RHOJ: variants seen among roughly 807,000 people sequenced by gnomAD.
RHOJ encodes rho-related GTP-binding protein RhoJ.
In RHOJ, 11 loss-of-function variants were observed where a neutral mutation model predicts 23.4. The observed-to-expected ratio is 0.47, with a 90% CI of 0.30 to 0.78. The LOEUF (loss-of-function observed/expected upper bound fraction) is 0.78, where lower values mean the gene tolerates loss of function less well. Among genes scored for constraint, RHOJ ranks in the 30% least tolerant of loss-of-function variants. The pLI is 0.08. For missense variants in RHOJ, 254 were observed against 273.4 expected (o/e 0.93, Z 0.50); for synonymous variants, 102 against 102.7 (o/e 0.99, Z 0.04).
chr14:63,280,040 T>C (rs941476470), intron 2 of RHOJ, among the ~76,000 whole-genome samples: 3 of 152,182 alleles, frequency 2.0e-5, no homozygotes, highest in African/African-American at 7.2e-5. Flanking sequence ...TGTTTGTTTT[T>C]TGAGACAGGG....
At chr14:63,226,237 G>A (rs1894591973) in intron 1 of RHOJ, among the ~76,000 whole-genome samples, 1 of 151,978 alleles carries the variant, frequency 6.6e-6, no homozygotes, top group African/African-American at 2.4e-5. Context: ...CAAATATTTT[G>A]CTATGACTGA....
At chr14:63,235,291 T>C (rs1005529008) in intron 1 of RHOJ, among the ~76,000 whole-genome samples, 2 of 151,240 alleles carry the variant, frequency 1.3e-5, no homozygotes, top group Non-Finnish European at 2.9e-5. Flanking sequence ...TTTAAGCTGA[T>C]TGGATCCTGA....
chr14:63,243,206 T>C (rs1894915158), intron 1 of RHOJ, among the ~76,000 whole-genome samples: 1 of 152,234 alleles, frequency 6.6e-6, no homozygotes, highest in South Asian at 2.1e-4. Flanking sequence ...ACAAGTATTT[T>C]TCCTCATCTG....
At chr14:63,274,116 G>C (rs1028103520) in intron 2 of RHOJ, among the ~76,000 whole-genome samples, 4 of 152,212 alleles carry the variant, frequency 2.6e-5, no homozygotes, top group Non-Finnish European at 5.9e-5. Context: ...AGCAAGCACA[G>C]CTAGGGTTTA....
intron 1 of RHOJ, among the ~76,000 whole-genome samples, chr14:63,221,372 G>C (rs772890831): frequency 1.4e-4 from 21 of 152,062 alleles, no homozygotes; most frequent in Non-Finnish European, 2.2e-4. Context: ...CCTCTGCCAG[G>C]CTCTTCCTTC....
intron 1 of RHOJ, among the ~76,000 whole-genome samples, chr14:63,247,621 T>C (rs561041432): frequency 6.0e-4 from 91 of 152,302 alleles, no homozygotes; most frequent in African/African-American, 2.1e-3. Flanking sequence ...CTTCTCATAT[T>C]TGAATGTGCC....
chr14:63,270,860 CCT>C (rs1895456652), intron 2 of RHOJ, among the ~76,000 whole-genome samples: 1 of 152,180 alleles, frequency 6.6e-6, no homozygotes, highest in African/African-American at 2.4e-5. Context: ...TCAGTTGTCC[CCT>C]CTTCTGCAGC....
chr14:63,286,814 T>C (rs1882098329), intron 4 of RHOJ, among the ~76,000 whole-genome samples: 1 of 152,244 alleles, frequency 6.6e-6, no homozygotes, highest in African/African-American at 2.4e-5. Flanking sequence ...TTGGCATCTC[T>C]GCATTATAGT....
chr14:63,280,368 T>C lies in RHOJ; in HGVS notation c.238-603T>C, dbSNP rs551416756. On this transcript the variant is annotated intron_variant, in intron 2 of 4. Coordinates refer to ENST00000316754, the MANE Select transcript of RHOJ (RefSeq NM_020663.5). Reference sequence around the variant, plus strand: ...TAGAAACAGAGAGTAGAACTATTGTTACCAGAGGCAAGTAAGGAAAGGAAA... The same window carrying C: ...TAGAAACAGAGAGTAGAACTATTGTCACCAGAGGCAAGTAAGGAAAGGAAA... Among the ~76,000 whole-genome samples, 143 of 152,238 alleles carry C rather than the reference T, an allele frequency of 9.4e-4. 1 individual carries two copies. Among genetic ancestry groups the C allele is most frequent in the African/African-American group, 2.8e-3 (118 of 41,550 alleles).
At chr14:63,261,865 G>C (rs768965587) in intron 1 of RHOJ, among the ~76,000 whole-genome samples, 1 of 152,006 alleles carries the variant, frequency 6.6e-6, no homozygotes, top group Non-Finnish European at 1.5e-5. Context: ...TCCTATATTC[G>C]CATGAAAGCT....
rs548046662 is a variant in RHOJ at position 63,263,978 on chromosome 14, CCTTTT to C, written c.179-5126_179-5122del. Among the ~76,000 whole-genome samples, 453 of 127,026 alleles carry C rather than the reference CCTTTT, an allele frequency of 3.6e-3. 2 individuals are homozygous for C. The highest frequency in any genetic ancestry group is 4.6e-3 in the Non-Finnish European group (300 of 65,736). 83.3% of individuals were successfully genotyped at this position (127,026 alleles called of 152,430 possible). A position where few individuals can be genotyped will look rare whatever the true frequency, so the allele number is the denominator to read the frequency against. On this transcript the variant is annotated intron_variant, in intron 1 of 4. Coordinates refer to ENST00000316754, the MANE Select transcript of RHOJ (RefSeq NM_020663.5). The stretch of plus-strand genomic sequence containing the variant: ...CTCAGACACCCCCTCCTCCAGAAAG[CCTTTT>C]CTTTTTTTTTTTAATTTCAACTTTT...
chr14:63,250,502 A>G (rs1351859710), intron 1 of RHOJ, among the ~76,000 whole-genome samples: 1 of 152,130 alleles, frequency 6.6e-6, no homozygotes, highest in Non-Finnish European at 1.5e-5. Flanking sequence ...GCCTCCCCAA[A>G]GTGCTGGGAT....
At chr14:63,269,380 T>A in intron 2 of RHOJ, 1 of 443,138 alleles carries the variant, frequency 2.3e-6, no homozygotes, top group Non-Finnish European at 4.0e-6. Context: ...AAGGCATTGA[T>A]AGGTAAATAA....
At chr14:63,212,174 T>C (rs1292760881) in intron 1 of RHOJ, among the ~76,000 whole-genome samples, 3 of 152,176 alleles carry the variant, frequency 2.0e-5, no homozygotes, top group Non-Finnish European at 4.4e-5. Flanking sequence ...TGGAAAGTTT[T>C]ATGGGCCAGG....
chr14:63,212,850 C>T (rs1894268139), intron 1 of RHOJ, among the ~76,000 whole-genome samples: 1 of 152,162 alleles, frequency 6.6e-6, no homozygotes, highest in South Asian at 2.1e-4. Flanking sequence ...CTGTCATTTT[C>T]CGGTCTCTTC....
At chr14:63,254,820 C>T (rs924310103) in intron 1 of RHOJ, among the ~76,000 whole-genome samples, 1 of 152,080 alleles carries the variant, frequency 6.6e-6, no homozygotes, top group African/African-American at 2.4e-5. Context: ...TCCACAGGTC[C>T]AGAAGCACAT....
At position 63,291,188 on chromosome 14, in the gene RHOJ, G is replaced by A. The variant is rs1325506137; in HGVS notation, c.*164G>A. ...CCCTCCCAACACAGCACACTAGTCA[G>A]CCCACTGCCACGACCTCCCTGCCAG... is the stretch of plus-strand genomic sequence containing the variant. On this transcript the variant is annotated 3_prime_UTR_variant, in exon 5 of 5. Transcript: ENST00000316754. The A allele has an allele frequency of 1.3e-6, 1 of 763,082 alleles. No individual in the cohort carries two copies. The highest frequency in any genetic ancestry group is 2.2e-6 in the Non-Finnish European group (1 of 446,254). The allele number at this position is 763,082 out of a possible 1,614,324, so 47.3% of individuals were successfully genotyped here.
chr14:63,214,164 GCTTA>G (rs1392973269), intron 1 of RHOJ, among the ~76,000 whole-genome samples: 2 of 152,240 alleles, frequency 1.3e-5, no homozygotes, highest in Admixed American at 6.5e-5. Context: ...CATAAGAAAA[GCTTA>G]CTTGTTAAAA....
At chr14:63,255,662 GC>G (rs1895150826) in intron 1 of RHOJ, among the ~76,000 whole-genome samples, 2 of 146,722 alleles carry the variant, frequency 1.4e-5, no homozygotes, top group African/African-American at 5.0e-5. Flanking sequence ...CCTGCTTGCC[GC>G]CCTGTCTCAC....
Sources: gnomAD v4.1 joint callset for allele counts (sites outside exome capture counted in the v4.1 genomes callset) on GRCh38, gnomAD v4.1.1 for gene constraint, MANE v1.5 for transcripts, NCBI Gene and HGNC (gene_info 2026-07-23, HGNC 2026-07-21) for gene names.